Variants in DMC1 observed in about 807,000 individuals in gnomAD.
DMC1 encodes the protein DNA meiotic recombinase 1, also known as meiotic recombination protein DMC1 homolog.
In DMC1, 27 loss-of-function variants were observed where a neutral mutation model predicts 50.1. That is an observed-to-expected ratio of 0.54 (90% CI 0.40 to 0.74). The LOEUF (loss-of-function observed/expected upper bound fraction) is 0.74, where lower values mean the gene tolerates loss of function less well. Among genes scored for constraint, DMC1 ranks in the 30% least tolerant of loss-of-function variants. The pLI is 0.00. For missense variants in DMC1, 295 were observed against 420.2 expected (o/e 0.70, Z 2.60); for synonymous variants, 148 against 136.1 (o/e 1.09, Z -0.61).
intron 13 of DMC1, among the ~76,000 whole-genome samples, chr22:38,520,393 C>T (rs559787413): frequency 6.6e-6 from 1 of 150,848 alleles, no homozygotes; most frequent in Non-Finnish European, 1.5e-5. Context: ...TTGGCGAAGT[C>T]TTGCTCTTGT....
chr22:38,516,157 C>CTGCA (rs1356082819), downstream of DMC1, among the ~76,000 whole-genome samples: 1 of 152,182 alleles, frequency 6.6e-6, no homozygotes, highest in Non-Finnish European at 1.5e-5. Flanking sequence ...CCTGCATAAT[C>CTGCA]TGCAGTTCTG....
chr22:38,552,800 C>G, intron 6 of DMC1, 93 bp from the exon 7 acceptor site: 1 of 848,912 alleles, frequency 1.2e-6, no homozygotes, highest in Non-Finnish European at 1.9e-6. Context: ...TTACTGTTTT[C>G]TTTTTCTTTT....
At chr22:38,524,715 C>A (rs2090068384) in intron 12 of DMC1, among the ~76,000 whole-genome samples, 1 of 152,122 alleles carries the variant, frequency 6.6e-6, no homozygotes, top group Non-Finnish European at 1.5e-5. Flanking sequence ...TTCTAGGAAC[C>A]CTTGCCTGGT....
At chr22:38,525,051 G>A (rs1312677727) in intron 12 of DMC1, among the ~76,000 whole-genome samples, 1 of 152,100 alleles carries the variant, frequency 6.6e-6, no homozygotes, top group African/African-American at 2.4e-5. Context: ...ACAAGAGCCA[G>A]ACTACGTCTC....
At chr22:38,526,726 T>A (rs150895845) in intron 12 of DMC1, among the ~76,000 whole-genome samples, 25 of 152,306 alleles carry the variant, frequency 1.6e-4, no homozygotes, top group African/African-American at 5.5e-4. Flanking sequence ...GACATTCTTC[T>A]AAGTCATCAA....
intron 6 of DMC1, 127 bp downstream of exon 6, chr22:38,555,230 T>C: frequency 1.5e-6 from 1 of 661,788 alleles, no homozygotes; most frequent in Non-Finnish European, 2.6e-6. Context: ...ATTGAGATTT[T>C]GTAAGTTCCA....
At chr22:38,569,289 G>C (rs894197082) in intron 1 of DMC1, 1 of 152,046 alleles carries the variant, frequency 6.6e-6, no homozygotes, top group African/African-American at 2.4e-5. Flanking sequence ...GAATCCACAA[G>C]GCGTGATTGT....
chr22:38,509,662 C>CT, the DMC1 span, among the ~76,000 whole-genome samples: 1 of 151,620 alleles, frequency 6.6e-6, no homozygotes, highest in Non-Finnish European at 1.5e-5. Flanking sequence ...GCCTATGTAG[C>CT]TTTTTTTGTT....
intron 7 of DMC1, among the ~76,000 whole-genome samples, chr22:38,551,283 T>C (rs2090407837): frequency 6.7e-6 from 1 of 148,874 alleles, no homozygotes; most frequent in African/African-American, 2.6e-5. Flanking sequence ...TTATGCTATA[T>C]AACTAATATG....
chr22:38,521,467 C>G (rs2090023179), intron 13 of DMC1, 141 bp downstream of exon 13: 1 of 615,756 alleles, frequency 1.6e-6, no homozygotes, highest in Admixed American at 2.2e-5. Context: ...ACTTTGGGAG[C>G]CCAAGGTGGG....
chr22:38,564,590 C>T (rs947787984), intron 4 of DMC1, among the ~76,000 whole-genome samples: 1 of 152,116 alleles, frequency 6.6e-6, no homozygotes, highest in African/African-American at 2.4e-5. Context: ...GGATTACAGG[C>T]GTAAGCCACT....
At chr22:38,530,486 TG>T (rs1312607525) in intron 12 of DMC1, among the ~76,000 whole-genome samples, 4 of 151,548 alleles carry the variant, frequency 2.6e-5, no homozygotes, top group Non-Finnish European at 5.9e-5. Context: ...GGAGGTGAGA[TG>T]GGGAGGGATT....
chr22:38,549,679 A>G, intron 8 of DMC1: 1 of 445,934 alleles, frequency 2.2e-6, no homozygotes, highest in Non-Finnish European at 4.0e-6. Context: ...AAGTAAGAGG[A>G]TTAAAAATGA....
intron 12 of DMC1, among the ~76,000 whole-genome samples, chr22:38,526,747 C>T (rs1169111682): frequency 1.3e-5 from 2 of 151,892 alleles, no homozygotes; most frequent in African/African-American, 2.4e-5. Flanking sequence ...TTTTTTTTCC[C>T]TTTGCTTGGA....
At chr22:38,568,575 CT>C (rs1159062378) in intron 1 of DMC1, among the ~76,000 whole-genome samples, 1 of 152,142 alleles carries the variant, frequency 6.6e-6, no homozygotes, top group Non-Finnish European at 1.5e-5. Flanking sequence ...CACTTATCAT[CT>C]GGTTTCCATT....
chr22:38,538,535 G>A lies in DMC1; in HGVS notation c.660+4C>T. The A allele has an allele frequency of 1.2e-6, 2 of 1,613,582 alleles. No homozygotes were observed. The highest frequency in any genetic ancestry group is 2.2e-5 in the East Asian group (1 of 44,862). ...CTGTGAAAGCAATATTTAAAAGCTT[G>A]TACCAATAGCTTGAAGATGCCAGCT... On this transcript the variant is annotated splice_donor_region_variant and intron_variant, in intron 10 of 13. Coordinates refer to ENST00000216024, the MANE Select transcript of DMC1 (RefSeq NM_007068.4).
At chr22:38,533,516 C>T (rs1415213247) in intron 12 of DMC1, among the ~76,000 whole-genome samples, 1 of 151,676 alleles carries the variant, frequency 6.6e-6, no homozygotes, top group Non-Finnish European at 1.5e-5. Context: ...ACATTCATTT[C>T]AATGTAATTT....
intron 13 of DMC1, among the ~76,000 whole-genome samples, chr22:38,520,515 G>A (rs568367590): frequency 2.0e-5 from 3 of 152,042 alleles, no homozygotes; most frequent in Non-Finnish European, 2.9e-5. Context: ...CTGCCACCAC[G>A]CCCGGCTAAT....
At position 38,537,630 on chromosome 22, in the gene DMC1, C is replaced by T; in HGVS notation, c.798G>A (p.Val266=). Residue 266 remains valine (V), a synonymous_variant, in exon 12 of 14, where the codon GTG becomes GTA. Transcript: ENST00000216024. The part of the protein sequence containing the change: ...ISEEYNVAVF[V]TNQMTADPGA... The stretch of plus-strand genomic sequence containing the variant: ...CTGGATCGGCAGTCATTTGATTGGT[C>T]ACAAAAACAGCCACGTTATATTCTG... 1 of 1,613,914 alleles carries T rather than the reference C, an allele frequency of 6.2e-7. No homozygotes were observed. The highest frequency in any genetic ancestry group is 1.3e-5 in the African/African-American group (1 of 74,976).
Sources: allele counts gnomAD v4.1 joint callset (sites outside exome capture counted in the v4.1 genomes callset), GRCh38; gene constraint gnomAD v4.1.1; transcripts MANE v1.5; gene names NCBI Gene and HGNC (gene_info 2026-07-23, HGNC 2026-07-21).